Variants in NBR1 observed in about 807,000 individuals in gnomAD.
NBR1 encodes NBR1 autophagy cargo receptor, also known as next to BRCA1 gene 1 protein.
A neutral mutation model predicts 115.5 loss-of-function variants in NBR1; 59 were observed. That is an observed-to-expected ratio of 0.51 (90% CI 0.41 to 0.63). The LOEUF is 0.63. NBR1 is among the 30% of genes least tolerant of loss of function. The pLI is 0.00. For missense variants in NBR1, 1,043 were observed against 1,150.5 expected, an observed-to-expected ratio of 0.91 and a Z score of 1.35; for synonymous variants, 373 against 414.7, an observed-to-expected ratio of 0.90 and a Z score of 1.22.
intron 4 of NBR1, among the ~76,000 whole-genome samples, chr17:43,179,902 T>TCTTGAGTCCTGAGCATCA (rs58779759): frequency 0.32 from 48,247 of 151,976 alleles, 8,004 homozygotes; most frequent in South Asian, 0.49. Flanking sequence ...CATTGAACTC[T>TCTTGAGTCCTGAGCATCA]CAGTGCGTAA....
chr17:43,202,624 T>A, intron 18 of NBR1, 31 bp from the exon 19 acceptor site: 1 of 1,535,414 alleles, frequency 6.5e-7, no homozygotes, highest in Non-Finnish European at 8.9e-7. Flanking sequence ...TTATGGATGC[T>A]GCATCTAACC....
chr17:43,171,443 TGA>T (rs2056365134), intron 1 of NBR1, 141 bp downstream of exon 1: 3 of 152,292 alleles, frequency 2.0e-5, no homozygotes, highest in Non-Finnish European at 4.4e-5. Context: ...AGTGACAGGA[TGA>T]GAGAGCCCTT....
Position 43,188,133 on chromosome 17 carries a change from A to G in NBR1, c.403-909A>G, listed in dbSNP as rs1050633243. 4.2e-5 allele frequency among the ~76,000 whole-genome samples: 6 copies of G among 143,928 alleles called. No individual in the cohort carries two copies. In the South Asian group the frequency reaches 1.3e-3, roughly 32 times the overall value. 94.4% of individuals were successfully genotyped at this position (143,928 alleles called of 152,430 possible). A position where few individuals can be genotyped will look rare whatever the true frequency, so the allele number is the denominator to read the frequency against. On this transcript the variant is annotated intron_variant, in intron 6 of 20. Coordinates refer to ENST00000590996, the MANE Select transcript of NBR1 (RefSeq NM_005899.5). ...TCTTGATCTCCTGACCTCGTGGTCC[A>G]CCCGCCTCAGCCTCCCAAAGTGCTG...
At chr17:43,188,963 C>A (rs1597985444) in intron 6 of NBR1, 79 bp from the exon 7 acceptor site, 1 of 1,024,178 alleles carries the variant, frequency 9.8e-7, no homozygotes, top group Non-Finnish European at 1.5e-6. Flanking sequence ...CAAAAGAAAC[C>A]TCAAAATAAT....
chr17:43,200,102 A>C (rs1186121431), intron 16 of NBR1, 65 bp from the exon 17 acceptor site: 1 of 1,290,196 alleles, frequency 7.8e-7, no homozygotes, highest in African/African-American at 1.5e-5. Context: ...GGCTTTACCA[A>C]GTAAGGATAG....
At position 43,209,081 on chromosome 17, in the gene NBR1, G is replaced by GT. The variant is rs796984826; in HGVS notation, c.2728-807dup. Among the ~76,000 whole-genome samples the GT allele has an allele frequency of 3.8e-3, 555 of 144,258 alleles. 1 individual carries two copies. The highest frequency in any genetic ancestry group is 0.011 in the Middle Eastern group (3 of 274). 94.6% of individuals were successfully genotyped at this position (144,258 alleles called of 152,430 possible). Reference sequence around the variant, plus strand: ...TGTTAACTTCCTCTTACCTATTCTTGTTTTTTTTTTTTTGAGATGGAGTCT... The same window carrying GT: ...TGTTAACTTCCTCTTACCTATTCTTGTTTTTTTTTTTTTTGAGATGGAGTCT... On this transcript the variant is annotated intron_variant, in intron 20 of 20. Coordinates refer to ENST00000590996, the MANE Select transcript of NBR1 (RefSeq NM_005899.5).
At chr17:43,171,670 A>G (rs937952827) in intron 1 of NBR1, among the ~76,000 whole-genome samples, 4 of 152,320 alleles carry the variant, frequency 2.6e-5, no homozygotes, top group Admixed American at 1.3e-4. Flanking sequence ...CTCTGCAAGT[A>G]AAAAAATGAC....
chr17:43,198,660 AAAT>A (rs922159422), intron 16 of NBR1, among the ~76,000 whole-genome samples: 1 of 146,682 alleles, frequency 6.8e-6, no homozygotes, highest in Non-Finnish European at 1.5e-5. Flanking sequence ...TAAAAAAAAA[AAAT>A]AATAAAGTGT....
At chr17:43,209,678 C>T (rs1372143580) in intron 20 of NBR1, 4 of 1,535,416 alleles carry the variant, frequency 2.6e-6, no homozygotes, top group Non-Finnish European at 3.5e-6. Context: ...TCCCTTTTCT[C>T]CTCCTTCAAG....
At chr17:43,190,887 T>C in intron 9 of NBR1, 111 bp downstream of exon 9, 1 of 1,066,082 alleles carries the variant, frequency 9.4e-7, no homozygotes, top group Non-Finnish European at 1.3e-6. Context: ...TCATTTTCAA[T>C]TGATGTGCAA....
chr17:43,190,978 A>G (rs1276093965), intron 9 of NBR1, among the ~76,000 whole-genome samples: 3 of 152,268 alleles, frequency 2.0e-5, no homozygotes, highest in Non-Finnish European at 2.9e-5. Flanking sequence ...TAGGCTGGGC[A>G]CAATGGCCCA....
Position 43,197,043 on chromosome 17 carries a change from C to T in NBR1, c.1963C>T (p.Arg655Ter), listed in dbSNP as rs1318560412. 1.2e-6 allele frequency: 2 copies of T among 1,613,974 alleles called. No homozygotes were observed. The highest frequency in any genetic ancestry group is 8.5e-7 in the Non-Finnish European group (1 of 1,179,874). Residue 655 changes from arginine to a stop codon, truncating the protein, a stop_gained, in exon 16 of 21, where the codon CGA (arginine) becomes TGA (stop). Coordinates refer to ENST00000590996, the MANE Select transcript of NBR1 (RefSeq NM_005899.5). LOFTEE classifies it high-confidence loss of function. ...CCAGTTTGTGTGTGAGACAGTAATC[C>T]GATCCCTTACCTTGGATGCTGCCCC... is the stretch of plus-strand genomic sequence containing the variant. ...GTQFVCETVIRSLTLDAAPDH... is the reference protein window; with the variant it reads ...GTQFVCETVI
At position 43,207,852 on chromosome 17, in the gene NBR1, C is replaced by T. The variant is rs1005376386; in HGVS notation, c.2728-2049C>T. ...GAACCCACAGATAATGGCAAGCCAACGGTATCCATCCAGATCACAGGGGAG... is the reference window on the plus strand; with the variant it reads ...GAACCCACAGATAATGGCAAGCCAATGGTATCCATCCAGATCACAGGGGAG... On this transcript the variant is annotated intron_variant, in intron 20 of 20. Coordinates refer to ENST00000590996, the MANE Select transcript of NBR1 (RefSeq NM_005899.5). 3.9e-5 allele frequency among the ~76,000 whole-genome samples: 6 copies of T among 152,142 alleles called. No individual in the cohort carries two copies. The East Asian group carries it at 5.8e-4, about 15-fold the overall frequency.
intron 20 of NBR1, among the ~76,000 whole-genome samples, chr17:43,205,201 A>G (rs2057290884): frequency 6.6e-6 from 1 of 152,066 alleles, no homozygotes; most frequent in Non-Finnish European, 1.5e-5. Context: ...TAAAAATACA[A>G]AAATTAGCCA....
chr17:43,196,592 G>A lies in NBR1; in HGVS notation c.1861+1G>A, dbSNP rs766137479. ...GGGGCAGGATTTAAAGCACTTCCTG[G>A]TAAGGGATTAAACATTTGTAAAGTA... On this transcript the variant is annotated splice_donor_variant, in intron 15 of 20. Coordinates refer to ENST00000590996, the MANE Select transcript of NBR1 (RefSeq NM_005899.5). LOFTEE classifies it high-confidence loss of function. The A allele has an allele frequency of 4.4e-6, 7 of 1,580,704 alleles. No individual in the cohort carries two copies. Among genetic ancestry groups the A allele is most frequent in the Non-Finnish European group, 5.2e-6 (6 of 1,159,444 alleles).
In NBR1 at chr17:43,210,046, A is replaced by G. The variant is rs1333544457; in HGVS notation, c.2873A>G (p.Asn958Ser). Residue 958 changes from asparagine to serine, a missense_variant, in exon 21 of 21, where the codon AAC becomes AGC. By Grantham distance (46) the Asn-to-Ser change is conservative. Coordinates refer to ENST00000590996, the MANE Select transcript of NBR1 (RefSeq NM_005899.5). ...GTGACAGAACTTCTTCAGTTAAACA[A>G]CAACGACTGGTACAGCCAACGCTAT... ...QVVTELLQLN[N>S]NDWYSQRY The G allele has an allele frequency of 6.2e-7, 1 of 1,612,594 alleles. No individual in the cohort carries two copies. Among genetic ancestry groups the G allele is most frequent in the East Asian group, 2.2e-5 (1 of 44,812 alleles).
chr17:43,194,299 C>G (rs376391876), intron 12 of NBR1, 51 bp from the exon 13 acceptor site: 7 of 1,527,528 alleles, frequency 4.6e-6, no homozygotes, highest in Non-Finnish European at 6.2e-6. Flanking sequence ...CAGCCTGCCT[C>G]TTCAGTTCTG....
rs749008009 is a variant in NBR1, at chr17:43,194,401, C to T, written c.1576C>T (p.Gln526Ter). 3.7e-6 allele frequency: 6 copies of T among 1,613,822 alleles called. No homozygotes were observed. Among genetic ancestry groups the T allele is most frequent in the African/African-American group, 2.7e-5 (2 of 74,912 alleles). The change falls in exon 13 of 21, where the codon CAG (glutamine) becomes TAG (stop). Residue 526 changes from glutamine (Q) to a stop codon, truncating the protein, a stop_gained. Coordinates refer to ENST00000590996, the MANE Select transcript of NBR1 (RefSeq NM_005899.5). LOFTEE classifies it high-confidence loss of function. ...EERQLGEVTE[Q>*]TEGTAACIPQ... is the part of the protein sequence containing the mutation. ...AAGACAGCTTGGTGAAGTGACTGAG[C>T]AGACAGAAGGGACAGCAGCCTGCAT...
chr17:43,186,240 A>G lies in NBR1; in HGVS notation c.208-10A>G, dbSNP rs777133723. On this transcript the variant is annotated splice_polypyrimidine_tract_variant and intron_variant, in intron 5 of 20. Transcript: ENST00000590996. ...GTCGCATGTTTTTGTTTCATAATGT[A>G]TGCTCTTAGATGGCAGTTAAACAGG... 5 of 1,555,588 alleles carry G rather than the reference A, an allele frequency of 3.2e-6. No individual in the cohort carries two copies. The Admixed American group carries it at 6.1e-5, about 19-fold the overall frequency.
Sources: gnomAD v4.1 joint callset for allele counts (sites outside exome capture counted in the v4.1 genomes callset) on GRCh38, gnomAD v4.1.1 for gene constraint, MANE v1.5 for transcripts, NCBI Gene and HGNC (gene_info 2026-07-23, HGNC 2026-07-21) for gene names.